MYO18B: variants seen among roughly 807,000 people sequenced by gnomAD.
MYO18B encodes unconventional myosin-XVIIIb.
MYO18B carries 204 observed loss-of-function variants against 273.0 expected under a neutral mutation model. That is an observed-to-expected ratio of 0.75 (90% CI 0.67 to 0.84). The LOEUF is 0.84. Among genes scored for constraint, MYO18B ranks in the 40% least tolerant of loss-of-function variants. The probability of loss-of-function intolerance (pLI) is 0.00; values close to 1 mark genes in which losing one functional copy is unlikely to be tolerated. For missense variants in MYO18B, 3,212 were observed against 3,287.6 expected (o/e 0.98, Z 0.56); for synonymous variants, 1,330 against 1,305.7 (o/e 1.02, Z -0.40).
rs1388929499 is a variant in MYO18B, at chr22:26,027,161, G to T, written c.7187G>T (p.Cys2396Phe). ...CLESSVDDAG[C>F]PDLGKEPLVF... is the part of the protein sequence containing the mutation. ...GAGTCCTCTGTGGACGATGCGGGCT[G>T]TCCAGACCTTGGAAAGGAGCCGCTT... Residue 2396 changes from cysteine (C) to phenylalanine (F), a missense_variant, in exon 43 of 44, where the codon TGT becomes TTT. Physicochemically the swap from Cys to Phe is radical, Grantham distance 205. Transcript: ENST00000335473. The surrounding 1 kb of genome is among the most constrained non-coding windows in gnomAD (Gnocchi z 4.1). 1 of 1,613,890 alleles carries T rather than the reference G, an allele frequency of 6.2e-7. No individual in the cohort carries two copies.
chr22:26,051,509 C>T, the MYO18B span, among the ~76,000 whole-genome samples: 1 of 152,116 alleles, frequency 6.6e-6, no homozygotes, highest in Non-Finnish European at 1.5e-5. Context: ...AAATGCTTTG[C>T]CAAGTCACAT....
rs571730713 is a variant in MYO18B, at chr22:25,770,966, T to A, written c.1674T>A (p.Asp558Glu). Reference protein sequence around the residue: ...IDADKTITEVDEEHVHRANPP... With the variant: ...IDADKTITEVEEEHVHRANPP... ...CTGACAAAACCATCACTGAGGTGGATGAGGAGCATGTCCATCGGGTGAGTC... is the reference window on the plus strand; with the variant it reads ...CTGACAAAACCATCACTGAGGTGGAAGAGGAGCATGTCCATCGGGTGAGTC... Residue 558 changes from aspartate (D) to glutamate (E), a missense_variant, in exon 6 of 44, where the codon GAT becomes GAA. Physicochemically the swap from Asp to Glu is conservative, Grantham distance 45. Transcript: ENST00000335473. 3 of 1,552,186 alleles carry A rather than the reference T, an allele frequency of 1.9e-6. No individual in the cohort carries two copies. The East Asian group carries it at 7.3e-5, about 38-fold the overall frequency.
Position 25,846,408 on chromosome 22 carries a change from C to T in MYO18B, c.3552+125C>T, listed in dbSNP as rs190122533. The T allele has an allele frequency of 5.4e-5, 57 of 1,046,748 alleles. No homozygotes were observed. In the East Asian group the frequency reaches 1.5e-3, roughly 28 times the overall value. 64.8% of individuals were successfully genotyped at this position (1,046,748 alleles called of 1,614,324 possible). ...AGCAAGGCCAGAGGGGCGAGTGTCA[C>T]CCCACGCTCCACAGAGGAGGAAATG... On this transcript the variant is annotated intron_variant, in intron 19 of 43. Coordinates refer to ENST00000335473, the MANE Select transcript of MYO18B (RefSeq NM_032608.7).
At chr22:25,825,776 C>T (rs780847603) in intron 13 of MYO18B, among the ~76,000 whole-genome samples, 3 of 152,176 alleles carry the variant, frequency 2.0e-5, no homozygotes, top group Non-Finnish European at 1.5e-5. Flanking sequence ...ATTGGAAGAA[C>T]CTGTGTCCCC....
At chr22:26,051,347 C>T in the MYO18B span, among the ~76,000 whole-genome samples, 1 of 151,800 alleles carries the variant, frequency 6.6e-6, no homozygotes, top group African/African-American at 2.4e-5. Flanking sequence ...CCTCAGCCTC[C>T]TGAGTAGCTG....
intron 4 of MYO18B, among the ~76,000 whole-genome samples, 170 bp downstream of exon 4, chr22:25,769,598 TCCTC>T (rs2086643033): frequency 6.6e-6 from 1 of 152,048 alleles, no homozygotes; most frequent in Non-Finnish European, 1.5e-5. Flanking sequence ...GACGAGCACT[TCCTC>T]CATGAGCAGA....
chr22:25,853,061 A>C (rs2090468652), intron 21 of MYO18B, among the ~76,000 whole-genome samples: 1 of 152,230 alleles, frequency 6.6e-6, no homozygotes, highest in African/African-American at 2.4e-5. Flanking sequence ...GACATGTAAT[A>C]GTATAGTTCA....
intron 1 of MYO18B, among the ~76,000 whole-genome samples, chr22:25,745,202 G>A (rs550202934): frequency 5.0e-4 from 76 of 152,034 alleles, no homozygotes; most frequent in African/African-American, 1.4e-3. Flanking sequence ...CTCTGCCTCC[G>A]AGGTTTAAGC....
At chr22:26,048,676 G>T in the MYO18B span, among the ~76,000 whole-genome samples, 3,127 of 152,100 alleles carry the variant, frequency 0.021, 116 homozygotes, top group African/African-American at 0.072. Flanking sequence ...AGGAGTATTT[G>T]CTTGTTATCT....
intron 42 of MYO18B, 114 bp downstream of exon 42, chr22:26,004,969 T>G (rs1934306952): frequency 3.6e-6 from 5 of 1,377,048 alleles, no homozygotes; most frequent in Non-Finnish European, 4.0e-6. Flanking sequence ...ACAAGCATGG[T>G]CCTGAAAGTC....
intron 12 of MYO18B, among the ~76,000 whole-genome samples, chr22:25,808,953 G>GT (rs983694137): frequency 5.6e-4 from 85 of 151,818 alleles, no homozygotes; most frequent in Non-Finnish European, 1.0e-3. Context: ...GACCTGGGCG[G>GT]TTTTTTTTGA....
intron 43 of MYO18B, among the ~76,000 whole-genome samples, chr22:26,029,753 A>G (rs1936558076): frequency 6.6e-6 from 1 of 152,206 alleles, no homozygotes; most frequent in African/African-American, 2.4e-5. Context: ...GTAACTAGCC[A>G]TTGGACCCTA....
At chr22:25,917,057 G>C (rs1032658219) in intron 33 of MYO18B, among the ~76,000 whole-genome samples, 9 of 152,000 alleles carry the variant, frequency 5.9e-5, no homozygotes, top group African/African-American at 1.7e-4. Flanking sequence ...AACAAACAAA[G>C]AAACAAAAAT....
intron 23 of MYO18B, among the ~76,000 whole-genome samples, chr22:25,874,647 G>A (rs1329004763): frequency 1.3e-5 from 2 of 152,172 alleles, no homozygotes; most frequent in Non-Finnish European, 2.9e-5. Context: ...AGCCCTCCTG[G>A]GCTGATTCAT....
intron 21 of MYO18B, among the ~76,000 whole-genome samples, chr22:25,859,077 A>G (rs937769446): frequency 6.6e-6 from 1 of 152,206 alleles, no homozygotes; most frequent in African/African-American, 2.4e-5. Context: ...ACTTTCATAT[A>G]CACAGAGTAA....
At chr22:25,917,961 AG>A (rs2092287763) in intron 33 of MYO18B, among the ~76,000 whole-genome samples, 1 of 152,210 alleles carries the variant, frequency 6.6e-6, no homozygotes, top group Non-Finnish European at 1.5e-5. Context: ...GAAAGAAGTG[AG>A]GCTCGGAAAA....
chr22:26,039,166 C>T, the MYO18B span, among the ~76,000 whole-genome samples: 6 of 152,166 alleles, frequency 3.9e-5, no homozygotes, highest in Non-Finnish European at 8.8e-5. Flanking sequence ...GCCCAGCCAG[C>T]CAGATTGAGG....
chr22:25,980,089 G>T (rs1373517656), intron 39 of MYO18B, among the ~76,000 whole-genome samples: 3 of 152,178 alleles, frequency 2.0e-5, no homozygotes, highest in Admixed American at 6.5e-5. Flanking sequence ...CTCCCAGGTT[G>T]TAGTTTTTTC....
intron 16 of MYO18B, among the ~76,000 whole-genome samples, chr22:25,833,775 C>T (rs989063655): frequency 4.6e-5 from 7 of 152,232 alleles, no homozygotes; most frequent in African/African-American, 9.6e-5. Context: ...AGGCACCTGG[C>T]GTGATGCTTG....
Sources: allele counts gnomAD v4.1 joint callset (sites outside exome capture counted in the v4.1 genomes callset), GRCh38; gene constraint gnomAD v4.1.1; non-coding constraint Gnocchi (gnomAD v3.1); transcripts MANE v1.5; gene names NCBI Gene and HGNC (gene_info 2026-07-23, HGNC 2026-07-21).